RGS7BP: variants seen among roughly 807,000 people sequenced by gnomAD.
RGS7BP encodes regulator of G protein signaling 7 binding protein.
A neutral mutation model predicts 31.3 loss-of-function variants in RGS7BP; 9 were observed. The ratio of observed to expected loss-of-function variants is 0.29; its 90% CI spans 0.17 to 0.50. The LOEUF (loss-of-function observed/expected upper bound fraction) is 0.50, where lower values mean the gene tolerates loss of function less well. Ranked by LOEUF, RGS7BP falls within the 20% of genes least tolerant of loss-of-function variation. The probability of loss-of-function intolerance (pLI) is 0.98; values close to 1 mark genes in which losing one functional copy is unlikely to be tolerated. For synonymous variants in RGS7BP, 115 were observed against 120.1 expected (o/e 0.96, Z 0.28); for missense variants, 274 against 322.0 (o/e 0.85, Z 1.14).
chr5:64,548,867 T>A (rs542968424), intron 2 of RGS7BP, among the ~76,000 whole-genome samples: 5 of 151,672 alleles, frequency 3.3e-5, no homozygotes, highest in Middle Eastern at 3.4e-3. Flanking sequence ...TTTTTTTTTT[T>A]ACTAAGTACC....
chr5:64,555,319 C>T (rs1741894650), intron 2 of RGS7BP, among the ~76,000 whole-genome samples: 1 of 152,110 alleles, frequency 6.6e-6, no homozygotes, highest in Admixed American at 6.6e-5. Flanking sequence ...TTCTTATGAA[C>T]TAAAGGAGCT....
At chr5:64,604,279 C>T (rs143399980) in intron 5 of RGS7BP, among the ~76,000 whole-genome samples, 3 of 152,184 alleles carry the variant, frequency 2.0e-5, no homozygotes, top group Non-Finnish European at 4.4e-5. Flanking sequence ...CCAGGGCCTC[C>T]GTGAATCTTC....
At position 64,557,191 on chromosome 5, in the gene RGS7BP, G is replaced by A. The variant is rs527924865; in HGVS notation, c.333-18583G>A. On this transcript the variant is annotated intron_variant, in intron 2 of 5. Transcript: ENST00000334025. ...TCACCTAAATTCTTGGGAAAGAATG[G>A]GCTGTATTCTGTAAGATGTTTCACT... Among the ~76,000 whole-genome samples the A allele has an allele frequency of 9.2e-5, 14 of 152,172 alleles. No individual in the cohort carries two copies. The South Asian group carries it at 1.5e-3, about 16-fold the overall frequency.
intron 2 of RGS7BP, among the ~76,000 whole-genome samples, chr5:64,566,612 G>A (rs994453137): frequency 2.0e-5 from 3 of 152,046 alleles, no homozygotes; most frequent in African/African-American, 7.2e-5. Flanking sequence ...CCACCCAGGG[G>A]AGGTTTTCTT....
At chr5:64,523,126 C>A (rs1749149258) in intron 2 of RGS7BP, among the ~76,000 whole-genome samples, 1 of 152,190 alleles carries the variant, frequency 6.6e-6, no homozygotes, top group Non-Finnish European at 1.5e-5. Context: ...ACTATCCAGT[C>A]TTAGAGTTGG....
chr5:64,562,112 G>A (rs1262623712), intron 2 of RGS7BP, among the ~76,000 whole-genome samples: 1 of 152,074 alleles, frequency 6.6e-6, no homozygotes, highest in Admixed American at 6.6e-5. Flanking sequence ...CTTTACAATA[G>A]GTTATCATCA....
intron 2 of RGS7BP, among the ~76,000 whole-genome samples, chr5:64,512,183 C>T (rs555170655): frequency 4.6e-5 from 7 of 152,320 alleles, no homozygotes; most frequent in Non-Finnish European, 8.8e-5. Flanking sequence ...CTTTCTCACA[C>T]TGCTGCTTTT....
intron 2 of RGS7BP, among the ~76,000 whole-genome samples, chr5:64,536,349 C>A (rs1741358767): frequency 6.6e-6 from 1 of 152,112 alleles, no homozygotes; most frequent in Non-Finnish European, 1.5e-5. Flanking sequence ...ATCCAATGAG[C>A]ATCAGATATC....
At position 64,553,171 on chromosome 5, in the gene RGS7BP, C is replaced by CTTTTT. The variant is rs542252038; in HGVS notation, c.333-22588_333-22584dup. On this transcript the variant is annotated intron_variant, in intron 2 of 5. Transcript: ENST00000334025. ...TAGGACTTCCTTCCTTTCTTTCTTTCTTTTTTTTTTTTTTTTTTTGAAACG... is the reference window on the plus strand; with the variant it reads ...TAGGACTTCCTTCCTTTCTTTCTTTCTTTTTTTTTTTTTTTTTTTTTTTTGAAACG... 4.7e-3 allele frequency among the ~76,000 whole-genome samples: 550 copies of CTTTTT among 118,064 alleles called. 2 individuals are homozygous for CTTTTT. Among genetic ancestry groups the CTTTTT allele is most frequent in the Non-Finnish European group, 6.0e-3 (358 of 59,594 alleles). The allele number at this position is 118,064 out of a possible 152,430, so 77.5% of individuals were successfully genotyped here. A position where few individuals can be genotyped will look rare whatever the true frequency, so the allele number is the denominator to read the frequency against.
chr5:64,512,295 C>T (rs913402809), intron 2 of RGS7BP, among the ~76,000 whole-genome samples: 3 of 152,032 alleles, frequency 2.0e-5, no homozygotes, highest in Non-Finnish European at 4.4e-5. Flanking sequence ...TGGGAAAGAG[C>T]ACTGATTCTA....
intron 2 of RGS7BP, among the ~76,000 whole-genome samples, chr5:64,529,889 C>T (rs957455917): frequency 4.6e-5 from 7 of 152,292 alleles, no homozygotes; most frequent in African/African-American, 1.7e-4. Context: ...CAGAAAACTT[C>T]CATTTATGGC....
chr5:64,541,722 C>A (rs982195719), intron 2 of RGS7BP, among the ~76,000 whole-genome samples: 1 of 152,076 alleles, frequency 6.6e-6, no homozygotes, highest in Non-Finnish European at 1.5e-5. Flanking sequence ...TTGTTTATCA[C>A]CTTTGCCATT....
At chr5:64,550,572 C>T (rs1285904103) in intron 2 of RGS7BP, among the ~76,000 whole-genome samples, 1 of 149,008 alleles carries the variant, frequency 6.7e-6, no homozygotes, top group Non-Finnish European at 1.5e-5. Flanking sequence ...AAAACAAATG[C>T]ATTTTTTTAA....
At chr5:64,572,924 C>T (rs1235361540) in intron 2 of RGS7BP, among the ~76,000 whole-genome samples, 4 of 148,466 alleles carry the variant, frequency 2.7e-5, no homozygotes, top group Admixed American at 1.3e-4. Context: ...CCCATTAACT[C>T]GTCATTTAGC....
chr5:64,528,865 A>G (rs553035535), intron 2 of RGS7BP, among the ~76,000 whole-genome samples: 1 of 151,110 alleles, frequency 6.6e-6, no homozygotes, highest in African/African-American at 2.4e-5. Flanking sequence ...AATGGCACCA[A>G]TTTCACTGGG....
At chr5:64,602,920 A>G (rs1026370975) in intron 5 of RGS7BP, among the ~76,000 whole-genome samples, 1 of 152,236 alleles carries the variant, frequency 6.6e-6, no homozygotes, top group Non-Finnish European at 1.5e-5. Flanking sequence ...AGCCAAAGAA[A>G]TAGAAAAAAG....
At chr5:64,593,350 T>TC (rs1268781028) in intron 3 of RGS7BP, among the ~76,000 whole-genome samples, 1 of 152,200 alleles carries the variant, frequency 6.6e-6, no homozygotes, top group Non-Finnish European at 1.5e-5. Flanking sequence ...CCTGTTAGAT[T>TC]TTACCATGAG....
rs540399848 is a variant in RGS7BP at position 64,553,853 on chromosome 5, G to T, written c.333-21921G>T. 1.8e-3 allele frequency among the ~76,000 whole-genome samples: 269 copies of T among 152,216 alleles called. 1 individual carries two copies. The highest frequency in any genetic ancestry group is 6.4e-3 in the African/African-American group (267 of 41,554). ...CTTAAATGTATAACTAAGCTCACAG[G>T]AAAGGAAGAGAAATCTTCAGGGTCA... On this transcript the variant is annotated intron_variant, in intron 2 of 5. Transcript: ENST00000334025.
At chr5:64,594,509 G>C (rs990462109) in intron 3 of RGS7BP, among the ~76,000 whole-genome samples, 16 of 152,142 alleles carry the variant, frequency 1.1e-4, no homozygotes, top group Non-Finnish European at 1.2e-4. Flanking sequence ...TTCCCGGAAT[G>C]TTGTGAAAAC....
Sources: gnomAD v4.1 joint callset for allele counts (sites outside exome capture counted in the v4.1 genomes callset) on GRCh38, gnomAD v4.1.1 for gene constraint, MANE v1.5 for transcripts, NCBI Gene and HGNC (gene_info 2026-07-23, HGNC 2026-07-21) for gene names.